KAZN: variants seen among roughly 807,000 people sequenced by gnomAD.
KAZN encodes kazrin, periplakin interacting protein.
Under a neutral mutation model 87.4 loss-of-function variants are expected in KAZN, and 40 were observed. The observed-to-expected ratio is 0.46, with a 90% CI of 0.36 to 0.60. The LOEUF (loss-of-function observed/expected upper bound fraction) is 0.60. Among genes scored for constraint, KAZN ranks in the 20% least tolerant of loss-of-function variants. KAZN has a pLI of 0.00. For synonymous variants in KAZN, 466 were observed against 458.3 expected (o/e 1.02, Z -0.22); for missense variants, 898 against 1,073.9 (o/e 0.84, Z 2.29).
At chr1:14,015,034 C>T (rs1192915873) in intron 1 of KAZN, among the ~76,000 whole-genome samples, 1 of 152,162 alleles carries the variant, frequency 6.6e-6, no homozygotes, top group Non-Finnish European at 1.5e-5. Flanking sequence ...TGCAATTTCA[C>T]TGTTGCTAAT....
chr1:14,702,821 C>T (rs1046164204), intron 1 of KAZN, among the ~76,000 whole-genome samples: 4 of 152,198 alleles, frequency 2.6e-5, no homozygotes, highest in Non-Finnish European at 4.4e-5. Context: ...TTAGTATCAC[C>T]GTCATTTCTT....
At position 14,558,332 on chromosome 1, in the gene KAZN, A is replaced by G. The variant is rs187136391; in HGVS notation, c.250-40651A>G. Among the ~76,000 whole-genome samples, 57 of 152,328 alleles carry G rather than the reference A, an allele frequency of 3.7e-4. 3 individuals carry two copies. The highest frequency in any genetic ancestry group is 3.3e-3 in the Admixed American group (51 of 15,306). ...CCAGCTGGGCTCAGCTGCAAGTACC[A>G]ATACTGTGTGTGTGTCAGGAGCATG... On this transcript the variant is annotated intron_variant, in intron 2 of 16. Coordinates refer to the KAZN transcript ENST00000636203.
At chr1:14,065,561 G>A (rs558176232) in intron 1 of KAZN, among the ~76,000 whole-genome samples, 340 of 147,318 alleles carry the variant, frequency 2.3e-3, no homozygotes, top group African/African-American at 8.1e-3. Context: ...AATCAGAAAT[G>A]CATTTAAAAA....
At chr1:14,664,026 G>A (rs1639353803) in intron 1 of KAZN, among the ~76,000 whole-genome samples, 1 of 152,178 alleles carries the variant, frequency 6.6e-6, no homozygotes, top group African/African-American at 2.4e-5. Flanking sequence ...GCTACCAGAT[G>A]GGTCGACCTT....
At chr1:14,618,517 A>C (rs911254799) in intron 1 of KAZN, among the ~76,000 whole-genome samples, 23 of 152,222 alleles carry the variant, frequency 1.5e-4, no homozygotes, top group African/African-American at 5.3e-4. Flanking sequence ...CACTAATATG[A>C]TGGAGTACCT....
intron 2 of KAZN, among the ~76,000 whole-genome samples, chr1:14,490,664 T>C (rs1010180885): frequency 2.6e-5 from 4 of 152,228 alleles, no homozygotes; most frequent in African/African-American, 9.6e-5. Flanking sequence ...AGCTAATATT[T>C]CTATTTTTAG....
intron 1 of KAZN, among the ~76,000 whole-genome samples, chr1:13,965,506 C>T (rs77292307): frequency 1.3e-5 from 2 of 152,294 alleles, no homozygotes; most frequent in East Asian, 3.9e-4. Context: ...GAAGGAATCA[C>T]TTCCTGATAT....
chr1:14,687,808 G>A (rs554410090), intron 1 of KAZN, among the ~76,000 whole-genome samples: 14 of 152,304 alleles, frequency 9.2e-5, no homozygotes, highest in Admixed American at 6.5e-4. Context: ...TGGGGCTCAC[G>A]TTGATAGGCA....
chr1:14,366,179 G>C (rs1424457409), intron 2 of KAZN, among the ~76,000 whole-genome samples: 1 of 152,232 alleles, frequency 6.6e-6, no homozygotes, highest in African/African-American at 2.4e-5. Context: ...AAAGTTAGCA[G>C]AGAAGATATT....
intron 2 of KAZN, among the ~76,000 whole-genome samples, chr1:14,306,269 A>T (rs189197521): frequency 1.2e-4 from 18 of 152,260 alleles, no homozygotes; most frequent in Admixed American, 1.2e-3. Context: ...TGCTCCCCTG[A>T]TGTGCTCTCT....
At chr1:14,888,909 T>C (rs186967446) in intron 1 of KAZN, among the ~76,000 whole-genome samples, 13 of 152,312 alleles carry the variant, frequency 8.5e-5, no homozygotes, top group African/African-American at 2.9e-4. Context: ...GCACAGACTC[T>C]ATACAGAGGT....
At chr1:14,903,076 C>T (rs1232925753) in intron 1 of KAZN, among the ~76,000 whole-genome samples, 4 of 151,980 alleles carry the variant, frequency 2.6e-5, no homozygotes, top group Non-Finnish European at 1.5e-5. Flanking sequence ...ACCATGTTGG[C>T]CAGGCTGGTC....
At chr1:13,939,833 C>A (rs1640865701) in intron 1 of KAZN, among the ~76,000 whole-genome samples, 1 of 152,084 alleles carries the variant, frequency 6.6e-6, no homozygotes, top group East Asian at 1.9e-4. Flanking sequence ...AAAGAAAAAG[C>A]TGGCACAAAA....
chr1:13,999,092 G>A (rs1639659787), intron 1 of KAZN, among the ~76,000 whole-genome samples: 2 of 152,194 alleles, frequency 1.3e-5, no homozygotes, highest in South Asian at 4.1e-4. Flanking sequence ...GCTCATGCCT[G>A]TAATCCCAGA....
intron 2 of KAZN, among the ~76,000 whole-genome samples, chr1:14,366,497 G>T (rs539213082): frequency 1.3e-5 from 2 of 152,230 alleles, no homozygotes; most frequent in African/African-American, 4.8e-5. Flanking sequence ...ACTGGAGGGC[G>T]GGCACTGGAG....
intron 13 of KAZN, 32 bp from the exon 14 acceptor site, chr1:15,112,395 C>T: frequency 1.5e-6 from 2 of 1,312,330 alleles, no homozygotes; most frequent in Admixed American, 2.0e-5. Flanking sequence ...GACTGAGCCT[C>T]CCCTGCTGAC....
chr1:14,594,889 T>C (rs1388880425), upstream of KAZN, among the ~76,000 whole-genome samples: 1 of 152,132 alleles, frequency 6.6e-6, no homozygotes, highest in East Asian at 1.9e-4. Context: ...CACTTAGAAC[T>C]GCTTGGTGTA....
intron 1 of KAZN, among the ~76,000 whole-genome samples, chr1:14,685,309 T>C (rs1041233444): frequency 6.6e-5 from 10 of 152,208 alleles, no homozygotes; most frequent in African/African-American, 2.4e-4. Context: ...GGGGTATTTA[T>C]ACACCAATTC....
chr1:14,466,660 T>A (rs55772480), intron 2 of KAZN, among the ~76,000 whole-genome samples: 31,098 of 130,224 alleles, frequency 0.24, 3,583 homozygotes, highest in East Asian at 0.34. Flanking sequence ...AAACTAAATT[T>A]AAAAAAAAAA....
Sources: allele counts gnomAD v4.1 joint callset (sites outside exome capture counted in the v4.1 genomes callset), GRCh38; gene constraint gnomAD v4.1.1; transcripts MANE v1.5; gene names NCBI Gene and HGNC (gene_info 2026-07-23, HGNC 2026-07-21).